The following PCDH15 variants were observed in gnomAD, a reference collection of about 807,000 sequenced individuals.
The protein encoded by PCDH15 is protocadherin-15.
A neutral mutation model predicts 178.5 loss-of-function variants in PCDH15; 129 were observed. The ratio of observed to expected loss-of-function variants is 0.72; its 90% confidence interval spans 0.63 to 0.84. PCDH15 has a LOEUF of 0.84. PCDH15 is among the 40% of genes least tolerant of loss of function. The probability of loss-of-function intolerance (pLI) is 0.00; values close to 1 mark genes in which losing one functional copy is unlikely to be tolerated. For synonymous variants in PCDH15, 800 were observed against 732.0 expected, an observed-to-expected ratio of 1.09 and a Z score of -1.50; for missense variants, 2,230 against 2,099.9, an observed-to-expected ratio of 1.06 and a Z score of -1.21.
chr10:54,156,322 G>A (rs1359041701), intron 13 of PCDH15, among the ~76,000 whole-genome samples: 1 of 152,038 alleles, frequency 6.6e-6, no homozygotes, highest in Non-Finnish European at 1.5e-5. Flanking sequence ...ACATACCTGA[G>A]ACTGGGTAAT....
In PCDH15 at chr10:54,522,511, A is replaced by G. The variant is rs2082983006; in HGVS notation, c.157+5301T>C. ...TCTTAACTTTATGCAGTTTTGCTCT[A>G]ATGTAATTTCCTCAAAGAAACAAGT... On this transcript the variant is annotated intron_variant, in intron 3 of 37. Transcript: ENST00000644397. 2.0e-5 allele frequency among the ~76,000 whole-genome samples: 3 copies of G among 152,166 alleles called. No homozygotes were observed. The South Asian group carries it at 6.2e-4, about 31-fold the overall frequency.
At chr10:55,572,811 T>C (rs1842432150) in intron 2 of PCDH15, among the ~76,000 whole-genome samples, 1 of 151,926 alleles carries the variant, frequency 6.6e-6, no homozygotes, top group African/African-American at 2.4e-5. Context: ...AGAGTGTTCG[T>C]GTAAAGTGCA....
chr10:54,275,864 T>G (rs1428602895), intron 8 of PCDH15, among the ~76,000 whole-genome samples: 1 of 151,664 alleles, frequency 6.6e-6, no homozygotes, highest in East Asian at 1.9e-4. Flanking sequence ...ATATGAAAAT[T>G]TGTTTTATAA....
chr10:53,858,029 TGAG>T (rs145812470), intron 27 of PCDH15, among the ~76,000 whole-genome samples: 5,905 of 152,146 alleles, frequency 0.039, 358 homozygotes, highest in African/African-American at 0.13. Context: ...AAAAATAAAT[TGAG>T]GATATATTTA....
chr10:55,150,758 T>C (rs1413778177), intron 2 of PCDH15, among the ~76,000 whole-genome samples: 3 of 152,138 alleles, frequency 2.0e-5, no homozygotes, highest in African/African-American at 4.8e-5. Flanking sequence ...TTAATCATCA[T>C]TGGAATTCAA....
intron 9 of PCDH15, among the ~76,000 whole-genome samples, chr10:54,214,992 T>C (rs1017932004): frequency 6.6e-6 from 1 of 152,208 alleles, no homozygotes; most frequent in African/African-American, 2.4e-5. Context: ...CAACATTCTT[T>C]TCCCAAAATG....
chr10:55,476,364 T>C (rs1840062075), intron 2 of PCDH15, among the ~76,000 whole-genome samples: 2 of 152,016 alleles, frequency 1.3e-5, no homozygotes, highest in South Asian at 2.1e-4. Flanking sequence ...AAATGAGTCA[T>C]TTCTAGAATA....
intron 2 of PCDH15, among the ~76,000 whole-genome samples, chr10:55,495,255 A>G (rs1840506145): frequency 6.6e-6 from 1 of 151,810 alleles, no homozygotes; most frequent in Non-Finnish European, 1.5e-5. Flanking sequence ...ACATAAACAT[A>G]TATAAACTCT....
At chr10:54,216,420 G>A (rs565356362) in intron 9 of PCDH15, among the ~76,000 whole-genome samples, 67 of 152,288 alleles carry the variant, frequency 4.4e-4, no homozygotes, top group African/African-American at 1.5e-3. Context: ...TTGTGCCACT[G>A]CACTCCAGCC....
At position 53,832,060 on chromosome 10, in the gene PCDH15, ACCATC is replaced by A. The variant is rs1301999414; in HGVS notation, c.3984-532_3984-528del. ...AAACTCTGTATTTGTTTGCCATAACACCATCTTAAAAGTAAACATTCTCAAGTTTC... is the reference window on the plus strand; with the variant it reads ...AAACTCTGTATTTGTTTGCCATAACATTAAAAGTAAACATTCTCAAGTTTC... On this transcript the variant is annotated intron_variant, in intron 29 of 37. Transcript: ENST00000644397. Among the ~76,000 whole-genome samples the A allele has an allele frequency of 1.1e-4, 16 of 151,340 alleles. 1 individual carries two copies. Among genetic ancestry groups the A allele is most frequent in the African/African-American group, 3.9e-4 (16 of 40,670 alleles).
chr10:55,557,734 T>A (rs1335977385), intron 2 of PCDH15, among the ~76,000 whole-genome samples: 2 of 152,018 alleles, frequency 1.3e-5, no homozygotes, highest in Non-Finnish European at 2.9e-5. Context: ...TCAATAGTGA[T>A]CCCGAAGGAC....
rs1236522463 is a variant in PCDH15, at chr10:54,195,542, T to G, written c.1305+141A>C. ...TTTTAAAATATCCTTGTTTTGGAAT[T>G]AAATTATAACACTAAAACTCACTTA... On this transcript the variant is annotated intron_variant, in intron 11 of 37. Coordinates refer to ENST00000644397, the MANE Select transcript of PCDH15 (RefSeq NM_001384140.1). The G allele has an allele frequency of 2.0e-5, 14 of 690,986 alleles. 1 individual carries two copies. The South Asian group carries it at 2.7e-4, about 13-fold the overall frequency. 42.8% of individuals were successfully genotyped at this position (690,986 alleles called of 1,614,324 possible).
chr10:53,992,662 T>C (rs1472096047), intron 21 of PCDH15, among the ~76,000 whole-genome samples: 1 of 152,134 alleles, frequency 6.6e-6, no homozygotes, highest in African/African-American at 2.4e-5. Flanking sequence ...CACCTGTAGT[T>C]TTGTTCTGTC....
intron 3 of PCDH15, among the ~76,000 whole-genome samples, chr10:54,408,372 C>T (rs1317715705): frequency 6.6e-6 from 1 of 151,886 alleles, no homozygotes; most frequent in Non-Finnish European, 1.5e-5. Flanking sequence ...AGAATTATTC[C>T]ATATATGTAA....
intron 26 of PCDH15, among the ~76,000 whole-genome samples, chr10:53,875,669 A>T (rs1192428974): frequency 6.6e-6 from 1 of 152,164 alleles, no homozygotes; most frequent in African/African-American, 2.4e-5. Flanking sequence ...AGAAATGAAT[A>T]TTATAATTAT....
At chr10:54,284,539 G>T (rs1175524466) in intron 8 of PCDH15, among the ~76,000 whole-genome samples, 2 of 152,156 alleles carry the variant, frequency 1.3e-5, no homozygotes, top group African/African-American at 4.8e-5. Context: ...CACAGAGGTA[G>T]CTCTTTGATA....
chr10:54,591,103 C>T (rs529218745), intron 2 of PCDH15, among the ~76,000 whole-genome samples: 19 of 152,156 alleles, frequency 1.2e-4, no homozygotes, highest in South Asian at 1.2e-3. Context: ...GCCAAATGCC[C>T]GAAGCCCCTA....
intron 13 of PCDH15, among the ~76,000 whole-genome samples, chr10:54,159,263 T>G (rs1397881256): frequency 6.6e-6 from 1 of 152,184 alleles, no homozygotes; most frequent in Non-Finnish European, 1.5e-5. Context: ...CATGTCAAGT[T>G]ATTCAAGTTG....
At chr10:54,713,157 C>A (rs994571307) in intron 1 of PCDH15, among the ~76,000 whole-genome samples, 3 of 151,856 alleles carry the variant, frequency 2.0e-5, no homozygotes, top group Non-Finnish European at 1.5e-5. Flanking sequence ...AGAATTCATT[C>A]AATTTGGCAT....
Sources: gnomAD v4.1 joint callset for allele counts (sites outside exome capture counted in the v4.1 genomes callset) on GRCh38, gnomAD v4.1.1 for gene constraint, MANE v1.5 for transcripts, NCBI Gene and HGNC (gene_info 2026-07-23, HGNC 2026-07-21) for gene names.